NF1: variants seen among roughly 807,000 people sequenced by gnomAD.
NF1 encodes neurofibromin 1.
A neutral mutation model predicts 325.7 loss-of-function variants in NF1; 122 were observed. The observed-to-expected ratio is 0.37, with a 90% CI of 0.32 to 0.44. The LOEUF (loss-of-function observed/expected upper bound fraction) is 0.44, where lower values mean the gene tolerates loss of function less well. Ranked by LOEUF, NF1 falls within the 20% of genes least tolerant of loss-of-function variation. The pLI, the probability that NF1 is intolerant of heterozygous loss-of-function variation, is 1.00. For synonymous variants in NF1, 1,091 were observed against 1,186.0 expected, an observed-to-expected ratio of 0.92 and a Z score of 1.65; for missense variants, 2,140 against 3,415.4, an observed-to-expected ratio of 0.63 and a Z score of 9.31.
At chr17:31,229,796 A>G (rs1199554031) in intron 21 of NF1, 39 bp from the exon 22 acceptor site, 1 of 1,610,836 alleles carries the variant, frequency 6.2e-7, no homozygotes, top group South Asian at 1.1e-5. Flanking sequence ...TCTTCTGGGC[A>G]TTGATGGCAA....
At chr17:31,130,758 G>A (rs1395393759) in intron 1 of NF1, among the ~76,000 whole-genome samples, 5 of 152,200 alleles carry the variant, frequency 3.3e-5, no homozygotes, top group Non-Finnish European at 5.9e-5. Flanking sequence ...GTGCTTGCAC[G>A]CATGTGTGCT....
At chr17:31,205,018 CA>C (rs1399707640) in intron 11 of NF1, among the ~76,000 whole-genome samples, 1 of 151,986 alleles carries the variant, frequency 6.6e-6, no homozygotes, top group Admixed American at 6.6e-5. Flanking sequence ...CATACTGTCC[CA>C]AAAAAGCATT....
intron 1 of NF1, among the ~76,000 whole-genome samples, chr17:31,150,963 A>G (rs972087541): frequency 1.3e-5 from 2 of 151,986 alleles, no homozygotes; most frequent in Non-Finnish European, 2.9e-5. Context: ...TCAACCTTGG[A>G]AGCAGAGGTT....
chr17:31,217,792 C>T (rs1449319558), intron 13 of NF1, among the ~76,000 whole-genome samples: 1 of 151,322 alleles, frequency 6.6e-6, no homozygotes, highest in Non-Finnish European at 1.5e-5. Context: ...TGGTGAAACC[C>T]CATCTCTAAT....
intron 29 of NF1, among the ~76,000 whole-genome samples, chr17:31,244,584 T>A (rs1298152837): frequency 2.6e-5 from 4 of 152,316 alleles, no homozygotes; most frequent in African/African-American, 9.6e-5. Flanking sequence ...CTTTCTGCTA[T>A]GACAGGGCAG....
chr17:31,260,584 C>A (rs2151465067), intron 34 of NF1, 69 bp downstream of exon 34: 1 of 1,534,804 alleles, frequency 6.5e-7, no homozygotes, highest in South Asian at 1.1e-5. Context: ...AATTATTGGT[C>A]ATGAATAGTG....
intron 31 of NF1, among the ~76,000 whole-genome samples, chr17:31,255,215 A>G (rs1192043664): frequency 6.6e-6 from 1 of 152,200 alleles, no homozygotes; most frequent in Non-Finnish European, 1.5e-5. Context: ...GACTACATGC[A>G]TTCGCGTTAT....
Position 31,181,870 on chromosome 17 carries a change from A to G in NF1, c.730+85A>G, listed in dbSNP as rs2066143894. On this transcript the variant is annotated intron_variant, in intron 7 of 57. Coordinates refer to ENST00000358273, the MANE Select transcript of NF1 (RefSeq NM_001042492.3). ...AAAACCTATCATCGTTTTCCAAGTTATTTTTGTTATAAAGGTGCTTTTACA... is the reference window on the plus strand; with the variant it reads ...AAAACCTATCATCGTTTTCCAAGTTGTTTTTGTTATAAAGGTGCTTTTACA... 17 of 965,752 alleles carry G rather than the reference A, an allele frequency of 1.8e-5. No individual in the cohort carries two copies. In the South Asian group the frequency reaches 2.0e-4, roughly 11 times the overall value. 59.8% of individuals were successfully genotyped at this position (965,752 alleles called of 1,614,324 possible).
chr17:31,192,925 C>T (rs2066371727), intron 8 of NF1, among the ~76,000 whole-genome samples: 2 of 152,182 alleles, frequency 1.3e-5, no homozygotes, highest in African/African-American at 4.8e-5. Context: ...AGAGCTAAGT[C>T]CTCACATGGC....
chr17:31,232,660 C>T (rs757133007), intron 25 of NF1, 40 bp from the exon 26 acceptor site: 23 of 1,549,730 alleles, frequency 1.5e-5, no homozygotes, highest in South Asian at 3.4e-5. Context: ...CTAGTTGATA[C>T]GGCCTTCACT....
intron 36 of NF1, chr17:31,296,159 A>G: frequency 6.2e-7 from 1 of 1,612,248 alleles, no homozygotes; most frequent in East Asian, 2.2e-5. Flanking sequence ...GTTTAAATGT[A>G]TAATATTCTC....
intron 13 of NF1, among the ~76,000 whole-genome samples, chr17:31,215,527 A>G (rs2066805736): frequency 6.6e-6 from 1 of 152,192 alleles, no homozygotes; most frequent in African/African-American, 2.4e-5. Context: ...TATCTCAGAG[A>G]TACTGTTAGG....
At chr17:31,309,966 G>A (rs1312667913) in intron 36 of NF1, among the ~76,000 whole-genome samples, 1 of 152,098 alleles carries the variant, frequency 6.6e-6, no homozygotes, top group Non-Finnish European at 1.5e-5. Context: ...AACTGTATTA[G>A]AATTCTATGA....
intron 36 of NF1, among the ~76,000 whole-genome samples, chr17:31,265,930 G>A (rs2067779389): frequency 6.6e-6 from 1 of 151,918 alleles, no homozygotes; most frequent in African/African-American, 2.4e-5. Flanking sequence ...TATGATGCTT[G>A]CCTTGCTTTC....
chr17:31,255,458 T>C (rs2067567906), intron 31 of NF1, among the ~76,000 whole-genome samples: 1 of 152,140 alleles, frequency 6.6e-6, no homozygotes, highest in Non-Finnish European at 1.5e-5. Flanking sequence ...CTTACGAAAC[T>C]TGTTATGTAG....
intron 1 of NF1, among the ~76,000 whole-genome samples, chr17:31,118,715 A>T (rs1914170315): frequency 1.3e-5 from 2 of 152,116 alleles, no homozygotes; most frequent in South Asian, 4.1e-4. Flanking sequence ...GTTGGTTGCA[A>T]GTCTTTGCTA....
At chr17:31,200,026 C>G (rs2066497898) in intron 8 of NF1, among the ~76,000 whole-genome samples, 3 of 151,838 alleles carry the variant, frequency 2.0e-5, no homozygotes, top group African/African-American at 4.8e-5. Context: ...AACCCAGCTA[C>G]TCTGGAGGCT....
intron 2 of NF1, among the ~76,000 whole-genome samples, chr17:31,156,856 T>A (rs2065672199): frequency 6.6e-6 from 1 of 152,212 alleles, no homozygotes; most frequent in Admixed American, 6.5e-5. Flanking sequence ...TCTAAATTCC[T>A]ATTTAACATC....
At chr17:31,221,737 A>C in intron 14 of NF1, 113 bp from the exon 15 acceptor site, 1 of 759,682 alleles carries the variant, frequency 1.3e-6, no homozygotes, top group Non-Finnish European at 2.2e-6. Context: ...TTGAAACTAC[A>C]AATGAAAGAG....
Sources: gnomAD v4.1 joint callset for allele counts (sites outside exome capture counted in the v4.1 genomes callset) on GRCh38, gnomAD v4.1.1 for gene constraint, MANE v1.5 for transcripts, NCBI Gene and HGNC (gene_info 2026-07-23, HGNC 2026-07-21) for gene names.